Variants in PDE4D observed in about 807,000 individuals in gnomAD.
PDE4D encodes the protein 3',5'-cyclic-AMP phosphodiesterase 4D.
A neutral mutation model predicts 87.4 loss-of-function variants in PDE4D; 24 were observed. The ratio of observed to expected loss-of-function variants is 0.27; its 90% CI spans 0.20 to 0.39. PDE4D has a LOEUF of 0.39. PDE4D is among the 10% of genes least tolerant of loss of function. PDE4D has a pLI of 1.00. For missense variants in PDE4D, 714 were observed against 1,041.0 expected, an observed-to-expected ratio of 0.69 and a Z score of 4.32; for synonymous variants, 384 against 383.2, an observed-to-expected ratio of 1.00 and a Z score of -0.02.
intron 5 of PDE4D, among the ~76,000 whole-genome samples, chr5:59,057,997 T>A (rs1052426357): frequency 3.3e-5 from 5 of 152,174 alleles, no homozygotes; most frequent in African/African-American, 4.8e-5. Context: ...AGTTATTAAA[T>A]CACTAAACAG....
intron 1 of PDE4D, chr5:59,275,393 T>C (rs537149480): frequency 1.9e-6 from 3 of 1,596,982 alleles, no homozygotes; most frequent in African/African-American, 1.3e-5. Context: ...GGCTTCATAA[T>C]AATGCTCATT....
At chr5:59,944,560 A>G (rs1420280274) in intron 3 of PDE4D, among the ~76,000 whole-genome samples, 1 of 152,066 alleles carries the variant, frequency 6.6e-6, no homozygotes, top group Admixed American at 6.5e-5. Flanking sequence ...TTTAGTAGAG[A>G]CAGGGTTTCA....
chr5:60,388,022 T>C (rs937199472), intron 1 of PDE4D, among the ~76,000 whole-genome samples: 3 of 152,196 alleles, frequency 2.0e-5, no homozygotes, highest in African/African-American at 7.2e-5. Flanking sequence ...GGAACACTTT[T>C]ACCCTTACCA....
intron 2 of PDE4D, among the ~76,000 whole-genome samples, chr5:60,085,975 A>G (rs1774477806): frequency 6.6e-6 from 1 of 152,234 alleles, no homozygotes; most frequent in Non-Finnish European, 1.5e-5. Context: ...CTATTGTGAT[A>G]ATTTTTAAAA....
In PDE4D at chr5:58,975,877, CCT is replaced by C; in HGVS notation, c.1831-40_1831-39del. The C allele has an allele frequency of 8.0e-7, 1 of 1,251,962 alleles. No homozygotes were observed. The highest frequency in any genetic ancestry group is 2.0e-5 in the African/African-American group (1 of 49,696). The allele number at this position is 1,251,962 out of a possible 1,614,324, so 77.6% of individuals were successfully genotyped here. On this transcript the variant is annotated intron_variant, in intron 13 of 14. Transcript: ENST00000340635. This position sits in a 1 kb window ranked among gnomAD's most constrained non-coding sequence, Gnocchi z 4.2. ...GATGCATTCTCTATTCACTCCTGTT[CCT>C]TTTTTTTAAAAAAAAAAACAAAAAA...
At chr5:59,306,453 TG>T (rs1771390938) in intron 1 of PDE4D, among the ~76,000 whole-genome samples, 1 of 150,748 alleles carries the variant, frequency 6.6e-6, no homozygotes, top group South Asian at 2.1e-4. Context: ...TGTATACTTT[TG>T]TTTTGTTTTG....
intron 2 of PDE4D, among the ~76,000 whole-genome samples, chr5:59,203,370 C>T (rs1355706966): frequency 1.3e-5 from 2 of 151,806 alleles, no homozygotes; most frequent in African/African-American, 4.8e-5. Context: ...AAAAGGAAGC[C>T]TTTTTACACT....
chr5:59,529,065 G>C (rs532664152), intron 1 of PDE4D: 3 of 468,346 alleles, frequency 6.4e-6, no homozygotes, highest in Non-Finnish European at 1.3e-5. Context: ...GCCTTAATTC[G>C]TTGGACCTAT....
intron 6 of PDE4D, among the ~76,000 whole-genome samples, chr5:58,996,720 A>T (rs1403003097): frequency 6.6e-6 from 1 of 152,220 alleles, no homozygotes; most frequent in African/African-American, 2.4e-5. Flanking sequence ...ACCTGCAGAT[A>T]TGCTACATAT....
At chr5:60,298,882 A>G (rs1293216005) in intron 1 of PDE4D, among the ~76,000 whole-genome samples, 1 of 152,196 alleles carries the variant, frequency 6.6e-6, no homozygotes, top group Non-Finnish European at 1.5e-5. Context: ...GAAATATATC[A>G]CAGTAAATTC....
chr5:59,250,416 A>G (rs1432403742), intron 1 of PDE4D, among the ~76,000 whole-genome samples: 1 of 151,100 alleles, frequency 6.6e-6, no homozygotes, highest in Non-Finnish European at 1.5e-5. Flanking sequence ...TCGCTTAAGC[A>G]TGGGAGGTCA....
At chr5:60,081,663 A>G (rs1773967476) in intron 2 of PDE4D, among the ~76,000 whole-genome samples, 1 of 152,172 alleles carries the variant, frequency 6.6e-6, no homozygotes, top group South Asian at 2.1e-4. Context: ...GGAGTCATTC[A>G]GGAGCAGGTT....
At chr5:59,489,994 A>G (rs1201348539) in intron 1 of PDE4D, among the ~76,000 whole-genome samples, 2 of 152,220 alleles carry the variant, frequency 1.3e-5, no homozygotes, top group African/African-American at 2.4e-5. Context: ...TAAAATTATA[A>G]TATCAGCACT....
At chr5:60,099,250 G>A (rs1175381628) in intron 2 of PDE4D, among the ~76,000 whole-genome samples, 1 of 151,752 alleles carries the variant, frequency 6.6e-6, no homozygotes, top group Non-Finnish European at 1.5e-5. Context: ...CTTTGATTTT[G>A]ACAATTTGAT....
chr5:60,172,790 A>G (rs2149485016), intron 2 of PDE4D, among the ~76,000 whole-genome samples: 1 of 152,214 alleles, frequency 6.6e-6, no homozygotes, highest in East Asian at 1.9e-4. Context: ...GAACTTTCTT[A>G]TATCTATTCA....
chr5:59,168,270 T>C (rs1370609625), intron 5 of PDE4D, among the ~76,000 whole-genome samples: 1 of 152,152 alleles, frequency 6.6e-6, no homozygotes, highest in Non-Finnish European at 1.5e-5. Context: ...ATATTCCCAG[T>C]AGTTGGGGCC....
intron 3 of PDE4D, among the ~76,000 whole-genome samples, chr5:59,920,015 G>A (rs748747617): frequency 4.9e-4 from 74 of 152,064 alleles, no homozygotes; most frequent in Admixed American, 9.8e-4. Context: ...CTTGAATTGA[G>A]ATTATGTAAA....
intron 1 of PDE4D, among the ~76,000 whole-genome samples, chr5:60,315,326 T>C (rs542558691): frequency 9.8e-5 from 15 of 152,360 alleles, no homozygotes; most frequent in Non-Finnish European, 2.2e-4. Flanking sequence ...TATTTGTTGA[T>C]GGGGTTGTTT....
chr5:59,499,497 G>A (rs749347463), intron 1 of PDE4D, among the ~76,000 whole-genome samples: 2 of 142,684 alleles, frequency 1.4e-5, no homozygotes, highest in Non-Finnish European at 3.0e-5. Context: ...GTTTGTTCTT[G>A]GAAAGGATAA....
Sources: gnomAD v4.1 joint callset for allele counts (sites outside exome capture counted in the v4.1 genomes callset) on GRCh38, gnomAD v4.1.1 for gene constraint, Gnocchi (gnomAD v3.1) non-coding constraint, MANE v1.5 for transcripts, NCBI Gene and HGNC (gene_info 2026-07-23, HGNC 2026-07-21) for gene names.